Variants in KIAA0232 observed in about 807,000 individuals in gnomAD.
KIAA0232 encodes the protein uncharacterized protein KIAA0232.
In KIAA0232, 27 loss-of-function variants were observed where a neutral mutation model predicts 122.0. The observed-to-expected ratio is 0.22, with a 90% CI of 0.16 to 0.31. The LOEUF (loss-of-function observed/expected upper bound fraction) is 0.31, where lower values mean the gene tolerates loss of function less well. KIAA0232 is among the 10% of genes least tolerant of loss of function. The probability of loss-of-function intolerance (pLI) is 1.00; values close to 1 mark genes in which losing one functional copy is unlikely to be tolerated. For synonymous variants in KIAA0232, 613 were observed against 587.6 expected, an observed-to-expected ratio of 1.04 and a Z score of -0.63; for missense variants, 1,551 against 1,634.2, an observed-to-expected ratio of 0.95 and a Z score of 0.88.
intron 4 of KIAA0232, among the ~76,000 whole-genome samples, chr4:6,847,644 C>A (rs964806465): frequency 3.9e-5 from 6 of 151,966 alleles, no homozygotes; most frequent in African/African-American, 1.5e-4. Flanking sequence ...TGCAAGTTTT[C>A]GATAAAATGT....
chr4:6,868,506 G>T (rs955287337), intron 7 of KIAA0232, among the ~76,000 whole-genome samples: 4 of 152,210 alleles, frequency 2.6e-5, no homozygotes, highest in African/African-American at 4.8e-5. Context: ...GTTATGGGCG[G>T]TGTGAGAGCA....
At chr4:6,838,757 A>T (rs976043701) in intron 3 of KIAA0232, among the ~76,000 whole-genome samples, 16 of 144,386 alleles carry the variant, frequency 1.1e-4, no homozygotes, top group Non-Finnish European at 2.2e-4. Context: ...TTTGAGACAA[A>T]GTCCATTTCA....
chr4:6,869,192 C>A, intron 7 of KIAA0232, among the ~76,000 whole-genome samples: 1 of 152,212 alleles, frequency 6.6e-6, no homozygotes, highest in Admixed American at 6.5e-5. Context: ...TGACCTGTCC[C>A]ATCCCCCACC....
intron 9 of KIAA0232, among the ~76,000 whole-genome samples, 153 bp downstream of exon 9, chr4:6,876,910 C>CT (rs199550467): frequency 0.01 from 1,598 of 152,268 alleles, 15 homozygotes; most frequent in Non-Finnish European, 0.014. Context: ...GTTCTCTGGC[C>CT]TTTGTTCTGA....
chr4:6,841,866 A>G (rs1183858096), intron 3 of KIAA0232, among the ~76,000 whole-genome samples: 1 of 152,220 alleles, frequency 6.6e-6, no homozygotes, highest in Non-Finnish European at 1.5e-5. Context: ...TTAAGATGGC[A>G]GTACACCCCA....
intron 4 of KIAA0232, among the ~76,000 whole-genome samples, chr4:6,846,125 C>G (rs1260407439): frequency 6.6e-6 from 1 of 151,200 alleles, no homozygotes; most frequent in Non-Finnish European, 1.5e-5. Flanking sequence ...TGTTGGATTG[C>G]TTTTTCATAA....
At chr4:6,808,129 A>C (rs1399421002) in intron 2 of KIAA0232, among the ~76,000 whole-genome samples, 2 of 152,160 alleles carry the variant, frequency 1.3e-5, no homozygotes, top group South Asian at 2.1e-4. Flanking sequence ...ACTTAATTGT[A>C]TGTTTGCACT....
At chr4:6,836,165 C>G (rs1398743044) in intron 3 of KIAA0232, among the ~76,000 whole-genome samples, 1 of 152,200 alleles carries the variant, frequency 6.6e-6, no homozygotes, top group Non-Finnish European at 1.5e-5. Context: ...GCCATTCTAA[C>G]TGGTGTGAGA....
intron 1 of KIAA0232, among the ~76,000 whole-genome samples, chr4:6,802,573 CTATG>C (rs1378716407): frequency 4.0e-5 from 6 of 149,064 alleles, no homozygotes; most frequent in Non-Finnish European, 8.9e-5. Flanking sequence ...TACTAAATAA[CTATG>C]TGTGTGTGTG....
At chr4:6,783,778 A>G (rs1392141144) in intron 1 of KIAA0232, among the ~76,000 whole-genome samples, 1 of 152,130 alleles carries the variant, frequency 6.6e-6, no homozygotes, top group Non-Finnish European at 1.5e-5. Context: ...ACAGGCCCAC[A>G]GTCATCCGTG....
chr4:6,856,097 T>G (rs1373895731), intron 4 of KIAA0232, among the ~76,000 whole-genome samples: 2 of 149,518 alleles, frequency 1.3e-5, no homozygotes, highest in African/African-American at 4.8e-5. Context: ...TTCATTGTAA[T>G]CTGTTTCTTG....
At chr4:6,858,727 G>A (rs1720692717) in intron 6 of KIAA0232, among the ~76,000 whole-genome samples, 1 of 152,176 alleles carries the variant, frequency 6.6e-6, no homozygotes, top group South Asian at 2.1e-4. Context: ...GAACAAATGA[G>A]TGAAACATAG....
At chr4:6,809,263 A>G (rs926994383) in intron 2 of KIAA0232, among the ~76,000 whole-genome samples, 2 of 152,224 alleles carry the variant, frequency 1.3e-5, no homozygotes, top group African/African-American at 4.8e-5. Context: ...ACAGCCTCAT[A>G]TTCTACCCCT....
At chr4:6,836,335 TG>T (rs201114154) in intron 3 of KIAA0232, among the ~76,000 whole-genome samples, 63 of 151,092 alleles carry the variant, frequency 4.2e-4, no homozygotes, top group African/African-American at 1.1e-3. Flanking sequence ...TTTTTTGTTT[TG>T]TTTTTTTTTT....
chr4:6,790,529 C>T (rs1193661271), intron 1 of KIAA0232, among the ~76,000 whole-genome samples: 1 of 151,504 alleles, frequency 6.6e-6, no homozygotes, highest in Non-Finnish European at 1.5e-5. Context: ...ACTACATGCT[C>T]ATGTTACCAC....
At chr4:6,796,336 G>A in intron 1 of KIAA0232, among the ~76,000 whole-genome samples, 1 of 152,040 alleles carries the variant, frequency 6.6e-6, no homozygotes. Context: ...CTGCCTCCTG[G>A]GTTCAAGCGA....
At chr4:6,830,662 C>T (rs1407584045) in intron 3 of KIAA0232, among the ~76,000 whole-genome samples, 1 of 152,080 alleles carries the variant, frequency 6.6e-6, no homozygotes, top group Non-Finnish European at 1.5e-5. Flanking sequence ...CCACCTTGGC[C>T]TCCCAAAGTG....
At chr4:6,865,591 G>A (rs1293489953) in intron 7 of KIAA0232, among the ~76,000 whole-genome samples, 2 of 152,206 alleles carry the variant, frequency 1.3e-5, no homozygotes, top group South Asian at 2.1e-4. Flanking sequence ...GTGAGCCACC[G>A]CGTCCGGCCC....
intron 1 of KIAA0232, among the ~76,000 whole-genome samples, chr4:6,783,885 A>G (rs1252193539): frequency 6.6e-6 from 1 of 152,130 alleles, no homozygotes; most frequent in Non-Finnish European, 1.5e-5. Flanking sequence ...CGGCATTTCT[A>G]GAGCTCTCTG....
Sources: gnomAD v4.1 joint callset for allele counts (sites outside exome capture counted in the v4.1 genomes callset) on GRCh38, gnomAD v4.1.1 for gene constraint, MANE v1.5 for transcripts, NCBI Gene and HGNC (gene_info 2026-07-23, HGNC 2026-07-21) for gene names.